SNX6: variants seen among roughly 807,000 people sequenced by gnomAD.
The protein encoded by SNX6 is sorting nexin 6, also known as sorting nexin-6.
SNX6 carries 34 observed loss-of-function variants against 63.0 expected under a neutral mutation model. That is an observed-to-expected ratio of 0.54 (90% CI 0.41 to 0.72). The LOEUF (loss-of-function observed/expected upper bound fraction) is 0.72. Ranked by LOEUF, SNX6 falls within the 30% of genes least tolerant of loss-of-function variation. The pLI is 0.00. For synonymous variants in SNX6, 170 were observed against 164.2 expected, an observed-to-expected ratio of 1.04 and a Z score of -0.27; for missense variants, 398 against 471.4, an observed-to-expected ratio of 0.84 and a Z score of 1.44.
intron 2 of SNX6, 148 bp downstream of exon 2, chr14:34,629,759 T>TG: frequency 7.9e-7 from 1 of 1,268,106 alleles, no homozygotes; most frequent in Admixed American, 2.3e-5. Context: ...TGCGGGAGGG[T>TG]GGGGCGCGGT....
At chr14:34,628,328 G>A (rs1883907832) in intron 2 of SNX6, among the ~76,000 whole-genome samples, 4 of 152,130 alleles carry the variant, frequency 2.6e-5, no homozygotes, top group Admixed American at 2.0e-4. Context: ...GCGTGGTGGC[G>A]GGCGCCTGTA....
At chr14:34,589,710 C>T (rs1465299280) in intron 8 of SNX6, among the ~76,000 whole-genome samples, 1 of 151,848 alleles carries the variant, frequency 6.6e-6, no homozygotes, top group Non-Finnish European at 1.5e-5. Context: ...ACCTGTAATC[C>T]TATGGGGAAG....
chr14:34,592,959 C>A, intron 8 of SNX6, 86 bp downstream of exon 8: 1 of 942,088 alleles, frequency 1.1e-6, no homozygotes, highest in East Asian at 2.7e-5. Context: ...AACTACTGCT[C>A]TATATTAAGA....
chr14:34,566,493 C>T (rs567617773), intron 13 of SNX6, among the ~76,000 whole-genome samples: 5 of 152,282 alleles, frequency 3.3e-5, no homozygotes, highest in African/African-American at 9.6e-5. Context: ...GGATTACAGG[C>T]GTGAGCCACC....
Position 34,630,068 on chromosome 14 carries a change from C to T in SNX6, c.6+43G>A, listed in dbSNP as rs766308710. On this transcript the variant is annotated intron_variant, in intron 1 of 13. Transcript: ENST00000362031. Reference sequence around the variant, plus strand: ...CCCGCGCCCGCCCCGCGCCCGCTGCCCCCACCGCGCTCCCGGGACTCGGCG... The same window carrying T: ...CCCGCGCCCGCCCCGCGCCCGCTGCTCCCACCGCGCTCCCGGGACTCGGCG... 4.1e-6 allele frequency: 6 copies of T among 1,458,112 alleles called. No homozygotes were observed. The Admixed American group carries it at 1.2e-4, about 28-fold the overall frequency. 90.3% of individuals were successfully genotyped at this position (1,458,112 alleles called of 1,614,324 possible). A position where few individuals can be genotyped will look rare whatever the true frequency, so the allele number is the denominator to read the frequency against.
At chr14:34,599,442 A>G (rs1043738007) in intron 6 of SNX6, among the ~76,000 whole-genome samples, 2 of 152,098 alleles carry the variant, frequency 1.3e-5, no homozygotes, top group African/African-American at 4.8e-5. Context: ...TCCTGTCTCT[A>G]CTAAAAATAC....
In SNX6 at chr14:34,622,347, G is replaced by A. The variant is rs1165052341; in HGVS notation, c.54+7560C>T. Among the ~76,000 whole-genome samples, 25 of 151,090 alleles carry A rather than the reference G, an allele frequency of 1.7e-4. 1 individual carries two copies. Among genetic ancestry groups the A allele is most frequent in the Admixed American group, 1.4e-3 (21 of 15,204 alleles). On this transcript the variant is annotated intron_variant, in intron 2 of 13. Coordinates refer to ENST00000362031, the MANE Select transcript of SNX6 (RefSeq NM_152233.4). The stretch of plus-strand genomic sequence containing the variant: ...TGTAATCCCAGCACTTTGGGAGGCC[G>A]AGGTGGGTGGATCACGAGGTCAGGA...
At chr14:34,624,107 T>C (rs1276936732) in intron 2 of SNX6, among the ~76,000 whole-genome samples, 5 of 124,748 alleles carry the variant, frequency 4.0e-5, no homozygotes, top group Non-Finnish European at 8.9e-5. Context: ...AAACAATATT[T>C]TCCTTTTTTT....
At chr14:34,584,531 C>T (rs758032085) in intron 9 of SNX6, among the ~76,000 whole-genome samples, 27 of 151,842 alleles carry the variant, frequency 1.8e-4, no homozygotes, top group East Asian at 5.8e-4. Context: ...CACCGTCTTC[C>T]GGGGGGCGGG....
At chr14:34,614,093 C>T (rs186345926) in intron 2 of SNX6, among the ~76,000 whole-genome samples, 1 of 150,462 alleles carries the variant, frequency 6.6e-6, no homozygotes, top group African/African-American at 2.4e-5. Flanking sequence ...GAAGACAGAG[C>T]GAGACTCCAT....
chr14:34,567,839 TTAACG>T lies in SNX6; in HGVS notation c.1081+10_1081+14del. The T allele has an allele frequency of 6.2e-7, 1 of 1,613,744 alleles. No homozygotes were observed. The highest frequency in any genetic ancestry group is 8.5e-7 in the Non-Finnish European group (1 of 1,179,854). ...ATAAAGCATATCTTGTGATTAAAGG[TTAACG>T]TAACAGTACCTTGTTTTGCAGACTC... On this transcript the variant is annotated intron_variant, in intron 12 of 13. Coordinates refer to ENST00000362031, the MANE Select transcript of SNX6 (RefSeq NM_152233.4).
intron 2 of SNX6, among the ~76,000 whole-genome samples, chr14:34,617,748 C>A (rs887388335): frequency 6.6e-6 from 1 of 151,794 alleles, no homozygotes; most frequent in South Asian, 2.1e-4. Context: ...GGTGAAACCC[C>A]GTCTCTACTA....
At chr14:34,621,951 C>CTTTTTTTT (rs1037764907) in intron 2 of SNX6, among the ~76,000 whole-genome samples, 40 of 77,404 alleles carry the variant, frequency 5.2e-4, no homozygotes, top group African/African-American at 9.2e-4. Context: ...CATGTCTTTC[C>CTTTTTTTT]TTTTTTTTTT....
intron 6 of SNX6, 149 bp downstream of exon 6, chr14:34,603,199 A>C: frequency 3.0e-4 from 155 of 520,766 alleles, no homozygotes; most frequent in East Asian, 3.8e-4. Context: ...AATGGCATGA[A>C]CCCGGGAGGC....
At chr14:34,590,907 T>C (rs1484450953) in intron 8 of SNX6, among the ~76,000 whole-genome samples, 4 of 152,182 alleles carry the variant, frequency 2.6e-5, no homozygotes, top group Admixed American at 6.6e-5. Flanking sequence ...AAATGAACTA[T>C]CGATATACAC....
Position 34,593,264 on chromosome 14 carries a change from C to A in SNX6, c.613-114G>T, listed in dbSNP as rs535250292. On this transcript the variant is annotated intron_variant, in intron 7 of 13. Transcript: ENST00000362031. ...ATCAGTAAAATAGCATACCTATCCT[C>A]AGTCAGATGTTATTATACTAATTTC... 1.4e-5 allele frequency: 9 copies of A among 628,764 alleles called. No homozygotes were observed. The East Asian group carries it at 2.3e-4, about 16-fold the overall frequency. The allele number at this position is 628,764 out of a possible 1,614,324, so 38.9% of individuals were successfully genotyped here. A position where few individuals can be genotyped will look rare whatever the true frequency, so the allele number is the denominator to read the frequency against.
chr14:34,629,879 C>T, intron 2 of SNX6, 28 bp downstream of exon 2: 1 of 1,552,736 alleles, frequency 6.4e-7, no homozygotes. Flanking sequence ...GTCCAGGGTC[C>T]CGCGAGCGAA....
chr14:34,576,227 G>A (rs775121826), intron 10 of SNX6, among the ~76,000 whole-genome samples: 5 of 151,422 alleles, frequency 3.3e-5, no homozygotes, highest in African/African-American at 1.2e-4. Flanking sequence ...GCCCGGCCTC[G>A]TTTCCTTCTT....
rs566406728 is a variant in SNX6 at position 34,603,383 on chromosome 14, A to C, written c.481T>G (p.Leu161Val). 3.2e-5 allele frequency: 51 copies of C among 1,611,172 alleles called. No homozygotes were observed. In the South Asian group the frequency reaches 5.2e-4, roughly 16 times the overall value. The change falls in exon 6 of 14, where the codon TTA becomes GTA. Residue 161 changes from leucine to valine, a missense_variant. By Grantham distance (32) the Leu-to-Val change is conservative. Coordinates refer to ENST00000362031, the MANE Select transcript of SNX6 (RefSeq NM_152233.4). ...VAAHPILRRDLNFHVFLEYNQ... is the reference protein window; with the variant it reads ...VAAHPILRRDVNFHVFLEYNQ... ...TATTCCAAGAAGACATGGAAATTTA[A>C]ATCTCTTCTCAAAATAGGATGTGCT... is the stretch of plus-strand genomic sequence containing the variant.
Sources: gnomAD v4.1 joint callset for allele counts (sites outside exome capture counted in the v4.1 genomes callset) on GRCh38, gnomAD v4.1.1 for gene constraint, MANE v1.5 for transcripts, NCBI Gene and HGNC (gene_info 2026-07-23, HGNC 2026-07-21) for gene names.